PDE3B: variants seen among roughly 807,000 people sequenced by gnomAD.
PDE3B encodes the protein cGMP-inhibited 3',5'-cyclic phosphodiesterase 3B.
In PDE3B, 66 loss-of-function variants were observed where a neutral mutation model predicts 116.8. That is an observed-to-expected ratio of 0.56 (90% CI 0.46 to 0.69). The LOEUF is 0.69. PDE3B is among the 30% of genes least tolerant of loss of function. The pLI is 0.00. For missense variants in PDE3B, 1,384 were observed against 1,368.1 expected (o/e 1.01, Z -0.18); for synonymous variants, 595 against 533.6 (o/e 1.12, Z -1.59).
Position 14,644,988 on chromosome 11 carries a change from G to T in PDE3B, c.913G>T (p.Ala305Ser). The T allele has an allele frequency of 6.2e-7, 1 of 1,613,830 alleles. No homozygotes were observed. The highest frequency in any genetic ancestry group is 8.5e-7 in the Non-Finnish European group (1 of 1,179,968). ...SSCVSLGETA[A>S]SYYGSCKIFR... ...CTGCGTGTCGTTAGGAGAAACTGCA[G>T]CCAGTTACTATGGCAGTTGCAAAAT... Residue 305 changes from alanine to serine, a missense_variant, in exon 1 of 16, where the codon GCC (alanine) becomes TCC (serine). By Grantham distance (99) the Ala-to-Ser change is moderately conservative. This residue lies in a region of PDE3B where 956 missense variants were observed against 806.8 expected (regional missense o/e 1.18). Coordinates refer to ENST00000282096, the MANE Select transcript of PDE3B (RefSeq NM_000922.4).
intron 5 of PDE3B, among the ~76,000 whole-genome samples, chr11:14,809,892 A>AT (rs71044025): frequency 0.5 from 73,845 of 148,442 alleles, 18,587 homozygotes; most frequent in Admixed American, 0.59. Context: ...AGACTAAAGT[A>AT]TTTTTTTTTT....
chr11:14,654,663 G>A (rs1853657187), intron 1 of PDE3B, among the ~76,000 whole-genome samples: 1 of 152,078 alleles, frequency 6.6e-6, no homozygotes, highest in African/African-American at 2.4e-5. Flanking sequence ...GAACTAAAGT[G>A]CTAGAAAACA....
the PDE3B span, chr11:14,879,545 T>C: frequency 2.4e-6 from 2 of 839,752 alleles, no homozygotes; most frequent in East Asian, 2.6e-5. Flanking sequence ...AACAAGCCAA[T>C]AGGATATAGA....
At chr11:14,840,520 C>G (rs909903521) in intron 11 of PDE3B, among the ~76,000 whole-genome samples, 4 of 152,200 alleles carry the variant, frequency 2.6e-5, no homozygotes, top group African/African-American at 4.8e-5. Context: ...GACATTTATT[C>G]CTAATACACC....
chr11:14,786,731 T>C (rs1173245370), intron 3 of PDE3B, 46 bp downstream of exon 3: 1 of 1,449,716 alleles, frequency 6.9e-7, no homozygotes, highest in Admixed American at 1.8e-5. Context: ...AATTTAATGA[T>C]ATTTTCAAAT....
Position 14,846,394 on chromosome 11 carries a change from T to C in PDE3B, c.2520+2368T>C, listed in dbSNP as rs61877638. On this transcript the variant is annotated intron_variant, in intron 12 of 15. Transcript: ENST00000282096. ...CAGCCACTGCAAAATCATGCCAAATTGTAAAGACCATCGAGGCTAGGAAGA... is the reference window on the plus strand; with the variant it reads ...CAGCCACTGCAAAATCATGCCAAATCGTAAAGACCATCGAGGCTAGGAAGA... 9.2e-3 allele frequency among the ~76,000 whole-genome samples: 1,399 copies of C among 152,244 alleles called. 69 individuals are homozygous for C. The highest frequency in any genetic ancestry group is 2.3e-3 in the Non-Finnish European group (154 of 68,024).
At chr11:14,737,079 G>A (rs1856619676) in intron 1 of PDE3B, among the ~76,000 whole-genome samples, 1 of 152,048 alleles carries the variant, frequency 6.6e-6, no homozygotes, top group African/African-American at 2.4e-5. Context: ...TATTACATAG[G>A]CTCGTAATAA....
At chr11:14,778,617 A>G (rs1857867931) in intron 2 of PDE3B, among the ~76,000 whole-genome samples, 1 of 152,246 alleles carries the variant, frequency 6.6e-6, no homozygotes, top group Non-Finnish European at 1.5e-5. Context: ...GACTGTTAGA[A>G]GGAAAACTAA....
chr11:14,800,343 T>C (rs1017351431), intron 4 of PDE3B, among the ~76,000 whole-genome samples: 1 of 152,130 alleles, frequency 6.6e-6, no homozygotes, highest in African/African-American at 2.4e-5. Flanking sequence ...TGCGCGCCTG[T>C]AATCGCAACT....
At chr11:14,804,354 A>C (rs910510349) in intron 5 of PDE3B, among the ~76,000 whole-genome samples, 1 of 152,050 alleles carries the variant, frequency 6.6e-6, no homozygotes, top group Non-Finnish European at 1.5e-5. Flanking sequence ...ATCTTCAAGA[A>C]AGAGTATTTT....
the PDE3B span, among the ~76,000 whole-genome samples, chr11:14,887,947 T>G: frequency 1.3e-5 from 2 of 152,218 alleles, no homozygotes; most frequent in Non-Finnish European, 2.9e-5. Flanking sequence ...ATTTCATCCT[T>G]GTCTTTTTAC....
At position 14,851,078 on chromosome 11, in the gene PDE3B, C is replaced by T. The variant is rs1343451528; in HGVS notation, c.2520+7052C>T. The stretch of plus-strand genomic sequence containing the variant: ...GACCTCGTGATCCGTCTGCCTTGGC[C>T]TCCCAAAGTGCTGGGATTACAGGCG... On this transcript the variant is annotated intron_variant, in intron 12 of 15. Transcript: ENST00000282096. Among the ~76,000 whole-genome samples the T allele has an allele frequency of 4.6e-5, 7 of 151,616 alleles. 1 individual carries two copies. Among genetic ancestry groups the T allele is most frequent in the Admixed American group, 4.6e-4 (7 of 15,214 alleles).
Position 14,704,877 on chromosome 11 carries a change from TA to T in PDE3B, c.978+59828del, listed in dbSNP as rs796922952. On this transcript the variant is annotated intron_variant, in intron 1 of 15. Transcript: ENST00000282096. ...TTCATAAACTGGACCTTGTCAAAAT[TA>T]AAACCTTTTGTTCTTTAAAAGTTAT... Among the ~76,000 whole-genome samples the T allele has an allele frequency of 3.3e-5, 5 of 151,724 alleles. No individual in the cohort carries two copies. In the South Asian group the frequency reaches 1.0e-3, roughly 32 times the overall value.
chr11:14,869,428 A>G, intron 15 of PDE3B, 33 bp from the exon 16 acceptor site: 1 of 1,565,028 alleles, frequency 6.4e-7, no homozygotes, highest in Non-Finnish European at 8.7e-7. Context: ...TCATATTGCT[A>G]TGATTAGAAT....
the PDE3B span, among the ~76,000 whole-genome samples, chr11:14,893,721 A>T: frequency 6.6e-6 from 1 of 152,082 alleles, no homozygotes. Context: ...TCTTCCACTT[A>T]TAAGGATCGT....
chr11:14,726,326 G>T (rs1856304962), intron 1 of PDE3B, among the ~76,000 whole-genome samples: 2 of 151,948 alleles, frequency 1.3e-5, no homozygotes, highest in African/African-American at 4.8e-5. Flanking sequence ...CAAAGACCTT[G>T]TCTGTCTTAT....
At chr11:14,840,337 C>A (rs1032463087) in intron 11 of PDE3B, among the ~76,000 whole-genome samples, 2 of 152,284 alleles carry the variant, frequency 1.3e-5, no homozygotes, top group Admixed American at 6.5e-5. Context: ...GAATACTTGG[C>A]CATGGGCACT....
At chr11:14,752,591 G>C (rs1030524623) in intron 1 of PDE3B, among the ~76,000 whole-genome samples, 1 of 152,040 alleles carries the variant, frequency 6.6e-6, no homozygotes, top group Non-Finnish European at 1.5e-5. Flanking sequence ...AGTCATGGCT[G>C]TCTTTTCTGT....
chr11:14,644,789 G>A lies in PDE3B; in HGVS notation c.714G>A (p.Gly238=). 1 of 1,610,312 alleles carries A rather than the reference G, an allele frequency of 6.2e-7. No homozygotes were observed. Among genetic ancestry groups the A allele is most frequent in the Non-Finnish European group, 8.5e-7 (1 of 1,178,452 alleles). Residue 238 remains glycine, a synonymous_variant, in exon 1 of 16, where the codon GGG becomes GGA. Coordinates refer to ENST00000282096, the MANE Select transcript of PDE3B (RefSeq NM_000922.4). Reference sequence around the variant, plus strand: ...GGTGGGTCTCCTTCACCAGCCTCGGGTCGCTGCCCTCCGCCCTCAGGCCGC... The same window carrying A: ...GGTGGGTCTCCTTCACCAGCCTCGGATCGCTGCCCTCCGCCCTCAGGCCGC... The part of the protein sequence containing the change: ...FVWWVSFTSL[G]SLPSALRPLL...
Sources: gnomAD v4.1 joint callset for allele counts (sites outside exome capture counted in the v4.1 genomes callset) on GRCh38, gnomAD v4.1.1 for gene constraint, gnomAD v4.1.1 regional missense constraint, MANE v1.5 for transcripts, NCBI Gene and HGNC (gene_info 2026-07-23, HGNC 2026-07-21) for gene names.